The following ZNF827 variants were observed in gnomAD, a reference collection of about 807,000 sequenced individuals.
ZNF827 encodes zinc finger protein 827.
A neutral mutation model predicts 102.4 loss-of-function variants in ZNF827; 13 were observed. The observed-to-expected ratio is 0.13, with a 90% CI of 0.08 to 0.20. The LOEUF is 0.20. Ranked by LOEUF, ZNF827 falls within the 10% of genes least tolerant of loss-of-function variation. The pLI, the probability that ZNF827 is intolerant of heterozygous loss-of-function variation, is 1.00. For missense variants in ZNF827, 1,103 were observed against 1,344.4 expected (o/e 0.82, Z 2.81); for synonymous variants, 523 against 536.2 (o/e 0.98, Z 0.34).
At chr4:145,767,422 G>GAATCCCT (rs1312967335) in intron 11 of ZNF827, among the ~76,000 whole-genome samples, 8 of 152,120 alleles carry the variant, frequency 5.3e-5, no homozygotes, top group Admixed American at 2.0e-4. Context: ...AGTTTAATTG[G>GAATCCCT]AATCCCTGGT....
intron 8 of ZNF827, among the ~76,000 whole-genome samples, chr4:145,808,537 C>A (rs954117225): frequency 5.9e-5 from 9 of 152,170 alleles, no homozygotes; most frequent in Non-Finnish European, 1.2e-4. Flanking sequence ...GACTGGAAAG[C>A]CCCGATAGGA....
At chr4:145,911,137 G>A (rs1752258891) in intron 1 of ZNF827, among the ~76,000 whole-genome samples, 1 of 152,158 alleles carries the variant, frequency 6.6e-6, no homozygotes, top group African/African-American at 2.4e-5. Flanking sequence ...ACATGGAACA[G>A]GGAAAAAGCC....
chr4:145,872,446 C>A (rs886361885), intron 4 of ZNF827, among the ~76,000 whole-genome samples: 32 of 152,306 alleles, frequency 2.1e-4, no homozygotes, highest in Admixed American at 2.0e-3. Flanking sequence ...CCTGCTGACA[C>A]CTTGATATTA....
At chr4:145,788,552 T>C (rs1197917112) in intron 8 of ZNF827, among the ~76,000 whole-genome samples, 1 of 152,242 alleles carries the variant, frequency 6.6e-6, no homozygotes, top group East Asian at 1.9e-4. Context: ...ACTTCCAAGA[T>C]TAGTGGGATC....
intron 1 of ZNF827, among the ~76,000 whole-genome samples, chr4:145,926,403 T>C (rs1299917478): frequency 6.6e-6 from 1 of 152,232 alleles, no homozygotes; most frequent in East Asian, 1.9e-4. Flanking sequence ...CCTCCCTTCT[T>C]GTGAGCAGTT....
At chr4:145,851,430 G>A (rs1268712253) in intron 5 of ZNF827, among the ~76,000 whole-genome samples, 1 of 151,906 alleles carries the variant, frequency 6.6e-6, no homozygotes, top group East Asian at 1.9e-4. Flanking sequence ...AAGCTGGGAG[G>A]GCCAAAAAGC....
At chr4:145,768,583 C>A (rs1735676106) in intron 11 of ZNF827, among the ~76,000 whole-genome samples, 1 of 151,966 alleles carries the variant, frequency 6.6e-6, no homozygotes, top group South Asian at 2.1e-4. Flanking sequence ...TTCAACATGA[C>A]CCCATCGTTT....
At position 145,823,502 on chromosome 4, in the gene ZNF827, A is replaced by C. The variant is rs139263814; in HGVS notation, c.2303T>G (p.Phe768Cys). The C allele has an allele frequency of 1.5e-5, 24 of 1,611,660 alleles. No homozygotes were observed. In the African/African-American group the frequency reaches 2.9e-4, roughly 20 times the overall value. ...ATTGGAGGTGAATGGTGATTGTCTA[A>C]ATGTGTCTTCTGAAAAGAAAGGGCT... ...TTSPFFSEDT[F>C]RQSPFTSNSK... Residue 768 changes from phenylalanine (F) to cysteine (C), a missense_variant, in exon 8 of 15, where the codon TTT becomes TGT. Phe to Cys is a radical substitution (Grantham distance 205). Transcript: ENST00000508784.
At chr4:145,856,715 ACACACACAC>A (rs1747146727) in intron 5 of ZNF827, among the ~76,000 whole-genome samples, 1 of 122,386 alleles carries the variant, frequency 8.2e-6, no homozygotes, top group African/African-American at 3.2e-5. Context: ...ACACACACAC[ACACACACAC>A]CCCATTTCAC....
At chr4:145,910,742 T>G (rs747234335) in intron 1 of ZNF827, among the ~76,000 whole-genome samples, 3 of 152,176 alleles carry the variant, frequency 2.0e-5, no homozygotes, top group Non-Finnish European at 2.9e-5. Context: ...CCTCAAGGCA[T>G]CCCTAATCAT....
chr4:145,931,742 T>C (rs944289553), intron 1 of ZNF827, among the ~76,000 whole-genome samples: 45 of 152,324 alleles, frequency 3.0e-4, no homozygotes, highest in African/African-American at 1.1e-3. Context: ...GAGGAAGACA[T>C]GGCAACTTCA....
At chr4:145,815,880 A>G (rs1443066517) in intron 8 of ZNF827, among the ~76,000 whole-genome samples, 1 of 152,232 alleles carries the variant, frequency 6.6e-6, no homozygotes, top group African/African-American at 2.4e-5. Context: ...AAAAGCAACC[A>G]CAGGCACTGC....
chr4:145,848,898 C>A (rs1048819954), intron 6 of ZNF827, among the ~76,000 whole-genome samples: 2 of 152,076 alleles, frequency 1.3e-5, no homozygotes, highest in Admixed American at 6.6e-5. Context: ...TGGCAAGATA[C>A]AATAAAACCT....
chr4:145,762,995 G>T lies in ZNF827; in HGVS notation c.*17+95C>A. On this transcript the variant is annotated intron_variant, in intron 14 of 14. Coordinates refer to ENST00000508784, the MANE Select transcript of ZNF827 (RefSeq NM_001306215.2). The surrounding 1 kb of genome is among the most constrained non-coding windows in gnomAD (Gnocchi z 4.9). ...AGCGCCAAGCTCGCCGTTAGCCTTT[G>T]AACCTCAGCTCACAGAAGAGTGCAC... is the stretch of plus-strand genomic sequence containing the variant. 7.9e-7 allele frequency: 1 copy of T among 1,258,692 alleles called. No homozygotes were observed. Among genetic ancestry groups the T allele is most frequent in the Non-Finnish European group, 1.1e-6 (1 of 913,572 alleles). 78.0% of individuals were successfully genotyped at this position (1,258,692 alleles called of 1,614,324 possible).
At chr4:145,850,729 TG>T (rs2126663143) in intron 5 of ZNF827, among the ~76,000 whole-genome samples, 1 of 152,314 alleles carries the variant, frequency 6.6e-6, no homozygotes, top group South Asian at 2.1e-4. Context: ...TAGGAACTAC[TG>T]TGTACTCAGC....
intron 11 of ZNF827, among the ~76,000 whole-genome samples, chr4:145,771,872 C>A (rs1409041980): frequency 6.6e-6 from 1 of 152,170 alleles, no homozygotes; most frequent in African/African-American, 2.4e-5. Flanking sequence ...TTTCCTAAGA[C>A]AGGAAAATCA....
chr4:145,844,703 A>C (rs1372830160), intron 7 of ZNF827, among the ~76,000 whole-genome samples: 1 of 147,432 alleles, frequency 6.8e-6, no homozygotes, highest in Non-Finnish European at 1.5e-5. Context: ...TAAATAAATA[A>C]ATAAATAAAT....
chr4:145,874,902 CT>C (rs1466084571), intron 4 of ZNF827, among the ~76,000 whole-genome samples: 1 of 152,150 alleles, frequency 6.6e-6, no homozygotes, highest in African/African-American at 2.4e-5. Context: ...ACACATACCT[CT>C]CAGTTTATGT....
At chr4:145,880,620 A>G (rs1749580108) in intron 4 of ZNF827, among the ~76,000 whole-genome samples, 3 of 152,218 alleles carry the variant, frequency 2.0e-5, no homozygotes, top group African/African-American at 7.2e-5. Context: ...ATGAATCACC[A>G]AGTTCAATAA....
Sources: allele counts gnomAD v4.1 joint callset (sites outside exome capture counted in the v4.1 genomes callset), GRCh38; gene constraint gnomAD v4.1.1; non-coding constraint Gnocchi (gnomAD v3.1); transcripts MANE v1.5; gene names NCBI Gene and HGNC (gene_info 2026-07-23, HGNC 2026-07-21).